ITGA9: variants seen among roughly 807,000 people sequenced by gnomAD.
ITGA9 encodes the protein integrin subunit alpha 9, also known as integrin alpha-9.
A neutral mutation model predicts 127.8 loss-of-function variants in ITGA9; 56 were observed. The ratio of observed to expected loss-of-function variants is 0.44; its 90% CI spans 0.35 to 0.55. ITGA9 has a LOEUF of 0.55. Among genes scored for constraint, ITGA9 ranks in the 20% least tolerant of loss-of-function variants. The pLI is 0.00. For synonymous variants in ITGA9, 508 were observed against 514.5 expected, an observed-to-expected ratio of 0.99 and a Z score of 0.17; for missense variants, 1,196 against 1,347.1, an observed-to-expected ratio of 0.89 and a Z score of 1.76.
At chr3:37,732,608 A>G (rs1378140708) in intron 18 of ITGA9, 104 bp from the exon 19 acceptor site, 4 of 834,458 alleles carry the variant, frequency 4.8e-6, no homozygotes, top group African/African-American at 1.7e-5. Flanking sequence ...ACTGGTGCCT[A>G]CCGTCTGAGC....
At chr3:37,569,613 G>T (rs1699581296) in intron 15 of ITGA9, among the ~76,000 whole-genome samples, 1 of 152,206 alleles carries the variant, frequency 6.6e-6, no homozygotes, top group South Asian at 2.1e-4. Context: ...TGTTGGTACA[G>T]ATTGAGCATC....
rs1342032284 is a variant in ITGA9 at position 37,597,403 on chromosome 3, G to A, written c.1690-31784G>A. ...AGGTGACAGATATGAAACGATAAATGTGGAGGCAGGGAGACCAGGTAAGAA... is the reference window on the plus strand; with the variant it reads ...AGGTGACAGATATGAAACGATAAATATGGAGGCAGGGAGACCAGGTAAGAA... On this transcript the variant is annotated intron_variant, in intron 15 of 27. Transcript: ENST00000264741. This position sits in a 1 kb window ranked among gnomAD's most constrained non-coding sequence, Gnocchi z 4.6. Among the ~76,000 whole-genome samples the A allele has an allele frequency of 2.0e-5, 3 of 152,106 alleles. No individual in the cohort carries two copies. The highest frequency in any genetic ancestry group is 4.4e-5 in the Non-Finnish European group (3 of 68,006).
chr3:37,495,087 C>A (rs1579063886), intron 5 of ITGA9, among the ~76,000 whole-genome samples: 2 of 152,238 alleles, frequency 1.3e-5, no homozygotes, highest in East Asian at 3.9e-4. Flanking sequence ...AATTCTCTTG[C>A]CTTAGCCTCC....
At chr3:37,754,384 A>T (rs1247859325) in intron 23 of ITGA9, among the ~76,000 whole-genome samples, 1 of 152,214 alleles carries the variant, frequency 6.6e-6, no homozygotes. Context: ...AAAAGTCAGA[A>T]ATGATAGCTA....
chr3:37,494,452 A>G (rs1012294616), intron 4 of ITGA9, 49 bp from the exon 5 acceptor site: 1 of 1,355,030 alleles, frequency 7.4e-7, no homozygotes, highest in Non-Finnish European at 1.1e-6. Flanking sequence ...CACAGCTGGC[A>G]TACACTGACA....
chr3:37,727,417 A>T (rs1393283992), intron 18 of ITGA9, among the ~76,000 whole-genome samples: 4 of 152,232 alleles, frequency 2.6e-5, no homozygotes, highest in African/African-American at 9.6e-5. Context: ...AGGGTCTAAA[A>T]TTTTATAATA....
intron 15 of ITGA9, among the ~76,000 whole-genome samples, chr3:37,607,260 C>CTAATACA (rs1699977617): frequency 6.6e-6 from 1 of 152,028 alleles, no homozygotes; most frequent in East Asian, 1.9e-4. Flanking sequence ...GATGGATGAG[C>CTAATACA]TAATACATCC....
chr3:37,573,245 C>T (rs999106012), intron 15 of ITGA9: 1 of 152,204 alleles, frequency 6.6e-6, no homozygotes, highest in Admixed American at 6.5e-5. Context: ...TCTTCTGCTT[C>T]AGGGACCACA....
At chr3:37,673,952 A>G (rs1469453748) in intron 17 of ITGA9, among the ~76,000 whole-genome samples, 2 of 152,202 alleles carry the variant, frequency 1.3e-5, no homozygotes, top group African/African-American at 4.8e-5. Context: ...GTATTTTTCT[A>G]GCTCCATTAC....
At chr3:37,737,899 T>G (rs1372568113) in intron 20 of ITGA9, among the ~76,000 whole-genome samples, 3 of 152,252 alleles carry the variant, frequency 2.0e-5, no homozygotes, top group East Asian at 3.9e-4. Flanking sequence ...TAATTTTTTT[T>G]GTTAACCATG....
chr3:37,760,757 T>TTC (rs1348299092), intron 23 of ITGA9, among the ~76,000 whole-genome samples: 1 of 152,166 alleles, frequency 6.6e-6, no homozygotes, highest in East Asian at 1.9e-4. Flanking sequence ...TGGGAAGCTC[T>TTC]TCTTCCTAAG....
intron 16 of ITGA9, among the ~76,000 whole-genome samples, chr3:37,640,776 C>A (rs1700325221): frequency 6.6e-6 from 1 of 152,220 alleles, no homozygotes; most frequent in African/African-American, 2.4e-5. Context: ...GAGATCAGGG[C>A]CCTGGCCCAG....
intron 11 of ITGA9, 53 bp downstream of exon 11, chr3:37,519,407 A>G (rs1699022439): frequency 1.4e-6 from 2 of 1,410,922 alleles, no homozygotes; most frequent in African/African-American, 1.4e-5. Context: ...TTCAGCAAAC[A>G]TGTATGGAAC....
chr3:37,614,581 T>G (rs1314115693), intron 15 of ITGA9, among the ~76,000 whole-genome samples: 20 of 151,898 alleles, frequency 1.3e-4, no homozygotes, highest in African/African-American at 4.8e-4. Context: ...ACGATATTGA[T>G]TCTTCCTACC....
intron 3 of ITGA9, among the ~76,000 whole-genome samples, chr3:37,480,226 G>A (rs532103302): frequency 1.3e-5 from 2 of 151,914 alleles, no homozygotes; most frequent in Non-Finnish European, 2.9e-5. Flanking sequence ...GAAGGCAGGG[G>A]CATGTTTAGT....
chr3:37,770,803 G>A (rs1177431685), intron 23 of ITGA9, among the ~76,000 whole-genome samples: 1 of 152,174 alleles, frequency 6.6e-6, no homozygotes, highest in Non-Finnish European at 1.5e-5. Flanking sequence ...CTTTCACTGA[G>A]GCTGACCCAG....
chr3:37,692,863 C>T (rs920913363), intron 18 of ITGA9, among the ~76,000 whole-genome samples: 33 of 151,974 alleles, frequency 2.2e-4, no homozygotes, highest in African/African-American at 6.5e-4. Context: ...TGGAGGAGTG[C>T]GGTATGGGAT....
At chr3:37,551,565 T>A (rs946068515) in intron 15 of ITGA9, among the ~76,000 whole-genome samples, 1 of 152,198 alleles carries the variant, frequency 6.6e-6, no homozygotes, top group Non-Finnish European at 1.5e-5. Context: ...AAATAACATA[T>A]CAAGGTGGCC....
chr3:37,632,249 A>G (rs1484139401), intron 16 of ITGA9, among the ~76,000 whole-genome samples: 3 of 152,242 alleles, frequency 2.0e-5, no homozygotes, highest in Non-Finnish European at 4.4e-5. Context: ...AGATTTAGGA[A>G]TATATTCCAT....
Sources: allele counts gnomAD v4.1 joint callset (sites outside exome capture counted in the v4.1 genomes callset), GRCh38; gene constraint gnomAD v4.1.1; non-coding constraint Gnocchi (gnomAD v3.1); transcripts MANE v1.5; gene names NCBI Gene and HGNC (gene_info 2026-07-23, HGNC 2026-07-21).